The following C1QL4 variants were observed in gnomAD, a reference collection of about 807,000 sequenced individuals.
C1QL4 encodes complement C1q-like protein 4.
C1QL4 carries 5 observed loss-of-function variants against 13.4 expected under a neutral mutation model. The observed-to-expected ratio is 0.37, with a 90% CI of 0.19 to 0.78. The LOEUF (loss-of-function observed/expected upper bound fraction) is 0.78, where lower values mean the gene tolerates loss of function less well. Among genes scored for constraint, C1QL4 ranks in the 30% least tolerant of loss-of-function variants. The probability of loss-of-function intolerance (pLI) is 0.47; values close to 1 mark genes in which losing one functional copy is unlikely to be tolerated. For missense variants in C1QL4, 367 were observed against 361.6 expected, an observed-to-expected ratio of 1.01 and a Z score of -0.12; for synonymous variants, 168 against 153.9, an observed-to-expected ratio of 1.09 and a Z score of -0.68.
In C1QL4 at chr12:49,336,396, A is replaced by G. The variant is rs1358513111; in HGVS notation, c.82T>C (p.Cys28Arg). 4 of 1,507,596 alleles carry G rather than the reference A, an allele frequency of 2.7e-6. No individual in the cohort carries two copies. The highest frequency in any genetic ancestry group is 4.6e-5 in the Admixed American group (2 of 43,480). The allele number at this position is 1,507,596 out of a possible 1,614,324, so 93.4% of individuals were successfully genotyped here. The change falls in exon 1 of 2, where the codon TGC becomes CGC. Residue 28 changes from cysteine (C) to arginine (R), a missense_variant. Physicochemically the swap from Cys to Arg is radical, Grantham distance 180. Transcript: ENST00000334221. This position sits in a 1 kb window ranked among gnomAD's most constrained non-coding sequence, Gnocchi z 7.7. Reference sequence around the variant, plus strand: ...CCATGCGGGTCGCACACCATGCGGCAGCGACCCAGCATCTCGTAGTGCGCT... The same window carrying G: ...CCATGCGGGTCGCACACCATGCGGCGGCGACCCAGCATCTCGTAGTGCGCT... ...GPAHYEMLGR[C>R]RMVCDPHGPR...
chr12:49,335,884 G>A, intron 1 of C1QL4, 57 bp downstream of exon 1: 1 of 1,546,088 alleles, frequency 6.5e-7, no homozygotes, highest in Non-Finnish European at 8.8e-7. Context: ...TGGGATGAGT[G>A]CAGGGAGATC....
chr12:49,336,192 C>T lies in C1QL4; in HGVS notation c.286G>A (p.Gly96Ser), dbSNP rs761160241. The T allele has an allele frequency of 1.3e-6, 2 of 1,581,400 alleles. No individual in the cohort carries two copies. The highest frequency in any genetic ancestry group is 3.5e-5 in the Admixed American group (2 of 56,628). ...GCAGCGGGCGCCACCCCGCCCGGAC[C>T]TGGACCGGGAGGGCCCGGGGGGCCT... ...RPGPPGPPGP[G>S]PGGVAPAAGY... Residue 96 changes from glycine (G) to serine (S), a missense_variant, in exon 1 of 2, where the codon GGT becomes AGT. By Grantham distance (56) the Gly-to-Ser change is moderately conservative. Transcript: ENST00000334221. This position sits in a 1 kb window ranked among gnomAD's most constrained non-coding sequence, Gnocchi z 7.7.
In C1QL4 at chr12:49,336,810, A is replaced by G; in HGVS notation, c.-333T>C. On this transcript the variant is annotated 5_prime_UTR_variant, in exon 1 of 2. Coordinates refer to ENST00000334221, the MANE Select transcript of C1QL4 (RefSeq NM_001008223.2). The surrounding 1 kb of genome is among the most constrained non-coding windows in gnomAD (Gnocchi z 7.7). The stretch of plus-strand genomic sequence containing the variant: ...AGTACCCTCCCGTTCAGTCCTAACG[A>G]TCCTGGGCACCTGAGATCCGCGGCT... 3.5e-6 allele frequency: 1 copy of G among 288,116 alleles called. No homozygotes were observed. Among genetic ancestry groups the G allele is most frequent in the East Asian group, 5.6e-5 (1 of 17,846 alleles). 17.8% of individuals were successfully genotyped at this position (288,116 alleles called of 1,614,324 possible). A position where few individuals can be genotyped will look rare whatever the true frequency, so the allele number is the denominator to read the frequency against.
intron 1 of C1QL4, among the ~76,000 whole-genome samples, chr12:49,334,863 G>A (rs1373674540): frequency 6.6e-6 from 1 of 152,180 alleles, no homozygotes; most frequent in Admixed American, 6.5e-5. Context: ...CGGCTGGGAT[G>A]AGATCCCAAA....
intron 1 of C1QL4, among the ~76,000 whole-genome samples, chr12:49,334,715 C>T (rs1012711927): frequency 6.6e-6 from 1 of 152,132 alleles, no homozygotes; most frequent in Admixed American, 6.6e-5. Context: ...CACACCTACT[C>T]GATGTCATAT....
Position 49,332,747 on chromosome 12 carries a change from A to C in C1QL4, c.*307T>G. ...TTCTGGGCCTCTGAGTCCCGCTATT[A>C]AAACTGCTCCCCATCTCTGTACAAA... On this transcript the variant is annotated 3_prime_UTR_variant, in exon 2 of 2. Coordinates refer to ENST00000334221, the MANE Select transcript of C1QL4 (RefSeq NM_001008223.2). 3.2e-6 allele frequency: 1 copy of C among 308,240 alleles called. No homozygotes were observed. The highest frequency in any genetic ancestry group is 6.0e-6 in the Non-Finnish European group (1 of 166,628). 19.1% of individuals were successfully genotyped at this position (308,240 alleles called of 1,614,324 possible). A position where few individuals can be genotyped will look rare whatever the true frequency, so the allele number is the denominator to read the frequency against.
At position 49,333,254 on chromosome 12, in the gene C1QL4, G is replaced by A. The variant is rs1214575202; in HGVS notation, c.538-21C>T. On this transcript the variant is annotated intron_variant, in intron 1 of 1. Coordinates refer to ENST00000334221, the MANE Select transcript of C1QL4 (RefSeq NM_001008223.2). ...CGGACCTATCGAGGGAGAAGAACCT[G>A]CTCATGCTCTGTGTGGAGCTGGGGT... 3.1e-6 allele frequency: 5 copies of A among 1,609,730 alleles called. No homozygotes were observed. The Middle Eastern group carries it at 5.3e-4, about 171-fold the overall frequency.
rs1481563786 is a variant in C1QL4, at chr12:49,333,005, G to A, written c.*49C>T. The A allele has an allele frequency of 6.5e-7, 1 of 1,534,312 alleles. No individual in the cohort carries two copies. The highest frequency in any genetic ancestry group is 8.8e-7 in the Non-Finnish European group (1 of 1,133,984). ...CCTCGGGTGGGGCGGGCAGGAGGTGGGTGAGGACGGGAGAGAAGGGGCGAG... is the reference window on the plus strand; with the variant it reads ...CCTCGGGTGGGGCGGGCAGGAGGTGAGTGAGGACGGGAGAGAAGGGGCGAG... On this transcript the variant is annotated 3_prime_UTR_variant, in exon 2 of 2. Transcript: ENST00000334221.
In C1QL4 at chr12:49,332,851, T is replaced by TCC. The variant is rs1943601084; in HGVS notation, c.*201_*202dup. The TCC allele has an allele frequency of 8.2e-6, 5 of 606,334 alleles. No individual in the cohort carries two copies. Among genetic ancestry groups the TCC allele is most frequent in the Non-Finnish European group, 1.4e-5 (5 of 350,622 alleles). The allele number at this position is 606,334 out of a possible 1,614,324, so 37.6% of individuals were successfully genotyped here. Reference sequence around the variant, plus strand: ...GTGATCCCTCCGGAAGTCGCTCTGCTCCTCTGGCCGGGTCTCCTCCTCTTC... The same window carrying TCC: ...GTGATCCCTCCGGAAGTCGCTCTGCTCCCCTCTGGCCGGGTCTCCTCCTCTTC... On this transcript the variant is annotated 3_prime_UTR_variant, in exon 2 of 2. Transcript: ENST00000334221.
In C1QL4 at chr12:49,336,588, C is replaced by T. The variant is rs1287455381; in HGVS notation, c.-111G>A. 1.6e-6 allele frequency: 2 copies of T among 1,263,114 alleles called. No individual in the cohort carries two copies. The highest frequency in any genetic ancestry group is 1.0e-6 in the Non-Finnish European group (1 of 976,510). 78.2% of individuals were successfully genotyped at this position (1,263,114 alleles called of 1,614,324 possible). A position where few individuals can be genotyped will look rare whatever the true frequency, so the allele number is the denominator to read the frequency against. ...GGCGCAATGGCTGCCGGGGCCGGGG[C>T]TCTCCGCGGGCCAGGAGGCGGTGAC... On this transcript the variant is annotated 5_prime_UTR_variant, in exon 1 of 2. Transcript: ENST00000334221. The surrounding 1 kb of genome is among the most constrained non-coding windows in gnomAD (Gnocchi z 7.7).
At chr12:49,334,282 G>A (rs1565674707) in intron 1 of C1QL4, among the ~76,000 whole-genome samples, 2 of 152,252 alleles carry the variant, frequency 1.3e-5, no homozygotes, top group Non-Finnish European at 2.9e-5. Context: ...CCTCATGGAG[G>A]GTTGGCTTCC....
chr12:49,333,134 T>G lies in C1QL4; in HGVS notation c.637A>C (p.Lys213Gln), dbSNP rs866989200. 6.2e-7 allele frequency: 1 copy of G among 1,614,002 alleles called. No homozygotes were observed. The highest frequency in any genetic ancestry group is 8.5e-7 in the Non-Finnish European group (1 of 1,180,002). The change falls in exon 2 of 2, where the codon AAG (lysine) becomes CAG (glutamine). Residue 213 changes from lysine (K) to glutamine (Q), a missense_variant. Lys to Gln is a moderately conservative substitution (Grantham distance 53). Coordinates refer to ENST00000334221, the MANE Select transcript of C1QL4 (RefSeq NM_001008223.2). ...HLDVGDEVFIKLDGGKVHGGN... is the reference protein window; with the variant it reads ...HLDVGDEVFIQLDGGKVHGGN... ...CCGTGCACTTTCCCGCCGTCCAGCT[T>G]GATGAAGACCTCGTCGCCCACGTCC...
rs1565675943 is a variant in C1QL4 at position 49,337,173 on chromosome 12, C to T, written c.-696G>A. 6.6e-6 allele frequency: 1 copy of T among 152,202 alleles called. No individual in the cohort carries two copies. The highest frequency in any genetic ancestry group is 6.5e-5 in the Admixed American group (1 of 15,288). 9.4% of individuals were successfully genotyped at this position (152,202 alleles called of 1,614,324 possible). ...TCCCTAACCTTCCTCCCCTCCCTCCCGGGCGCGGGTGGTATGAGGCGCCGC... is the reference window on the plus strand; with the variant it reads ...TCCCTAACCTTCCTCCCCTCCCTCCTGGGCGCGGGTGGTATGAGGCGCCGC... On this transcript the variant is annotated 5_prime_UTR_variant, in exon 1 of 2. Transcript: ENST00000334221.
At chr12:49,334,764 A>G (rs1943618841) in intron 1 of C1QL4, among the ~76,000 whole-genome samples, 1 of 151,924 alleles carries the variant, frequency 6.6e-6, no homozygotes, top group South Asian at 2.1e-4. Flanking sequence ...CGCACTCCGC[A>G]CTCACACACA....
Position 49,333,229 on chromosome 12 carries a change from C to A in C1QL4, c.542G>T (p.Arg181Leu), listed in dbSNP as rs1283785904. Residue 181 changes from arginine (R) to leucine (L), a missense_variant, in exon 2 of 2, where the codon CGG (arginine) becomes CTG (leucine). Coordinates refer to ENST00000334221, the MANE Select transcript of C1QL4 (RefSeq NM_001008223.2). ...CGCGTCCTGAGCAATGGCGCTGGCCCGGACCTATCGAGGGAGAAGAACCTG... is the reference window on the plus strand; with the variant it reads ...CGCGTCCTGAGCAATGGCGCTGGCCAGGACCTATCGAGGGAGAAGAACCTG... ...WADLMKNGQVRASAIAQDADQ... is the reference protein window; with the variant it reads ...WADLMKNGQVLASAIAQDADQ... The A allele has an allele frequency of 6.2e-7, 1 of 1,613,418 alleles. No homozygotes were observed. Among genetic ancestry groups the A allele is most frequent in the Non-Finnish European group, 8.5e-7 (1 of 1,179,662 alleles).
In C1QL4 at chr12:49,336,379, G is replaced by A. The variant is rs762412633; in HGVS notation, c.99C>T (p.Asp33=). Residue 33 remains aspartate (D), a synonymous_variant, in exon 1 of 2, where the codon GAC becomes GAT. Coordinates refer to ENST00000334221, the MANE Select transcript of C1QL4 (RefSeq NM_001008223.2). This position sits in a 1 kb window ranked among gnomAD's most constrained non-coding sequence, Gnocchi z 7.7. ...GACCAGGGCCACGGGGCCCATGCGG[G>A]TCGCACACCATGCGGCAGCGACCCA... is the stretch of plus-strand genomic sequence containing the variant. The part of the protein sequence containing the change: ...EMLGRCRMVC[D]PHGPRGPGPD... 9 of 1,480,054 alleles carry A rather than the reference G, an allele frequency of 6.1e-6. No homozygotes were observed. In the Admixed American group the frequency reaches 2.0e-4, roughly 33 times the overall value. The allele number at this position is 1,480,054 out of a possible 1,614,324, so 91.7% of individuals were successfully genotyped here.
In C1QL4 at chr12:49,336,565, C is replaced by A; in HGVS notation, c.-88G>T. 1 of 1,346,518 alleles carries A rather than the reference C, an allele frequency of 7.4e-7. No homozygotes were observed. The highest frequency in any genetic ancestry group is 9.6e-7 in the Non-Finnish European group (1 of 1,046,930). 83.4% of individuals were successfully genotyped at this position (1,346,518 alleles called of 1,614,324 possible). Reference sequence around the variant, plus strand: ...CCAGCAAATCTTCCTCACTCTTGGGCGCAATGGCTGCCGGGGCCGGGGCTC... The same window carrying A: ...CCAGCAAATCTTCCTCACTCTTGGGAGCAATGGCTGCCGGGGCCGGGGCTC... On this transcript the variant is annotated 5_prime_UTR_variant, in exon 1 of 2. Coordinates refer to ENST00000334221, the MANE Select transcript of C1QL4 (RefSeq NM_001008223.2). This position sits in a 1 kb window ranked among gnomAD's most constrained non-coding sequence, Gnocchi z 7.7.
At position 49,337,060 on chromosome 12, in the gene C1QL4, G is replaced by T. The variant is rs971039251; in HGVS notation, c.-583C>A. On this transcript the variant is annotated 5_prime_UTR_variant, in exon 1 of 2. Transcript: ENST00000334221. ...TGCGCTCTGCCTCTTGGCAAGCACC[G>T]ACTCACCTTGCTACCCCTGCCGCGG... 3 of 152,384 alleles carry T rather than the reference G, an allele frequency of 2.0e-5. No individual in the cohort carries two copies. Among genetic ancestry groups the T allele is most frequent in the Admixed American group, 1.3e-4 (2 of 15,290 alleles). The allele number at this position is 152,384 out of a possible 1,614,324, so 9.4% of individuals were successfully genotyped here.
Position 49,336,147 on chromosome 12 carries a change from C to T in C1QL4, c.331G>A (p.Ala111Thr), listed in dbSNP as rs767925227. Residue 111 changes from alanine to threonine, a missense_variant, in exon 1 of 2, where the codon GCT becomes ACT. Physicochemically the swap from Ala to Thr is moderately conservative, Grantham distance 58. Coordinates refer to ENST00000334221, the MANE Select transcript of C1QL4 (RefSeq NM_001008223.2). This position sits in a 1 kb window ranked among gnomAD's most constrained non-coding sequence, Gnocchi z 7.7. ...GGCCGCCGCAGGCCCGCGTAGAAAG[C>T]AATGCGAGGCACGTAGCCGGCAGCG... is the stretch of plus-strand genomic sequence containing the variant. ...APAAGYVPRI[A>T]FYAGLRRPHE... is the part of the protein sequence containing the mutation. 1 of 1,607,448 alleles carries T rather than the reference C, an allele frequency of 6.2e-7. No homozygotes were observed. Among genetic ancestry groups the T allele is most frequent in the South Asian group, 1.1e-5 (1 of 90,832 alleles).
Sources: gnomAD v4.1 joint callset for allele counts (sites outside exome capture counted in the v4.1 genomes callset) on GRCh38, gnomAD v4.1.1 for gene constraint, Gnocchi (gnomAD v3.1) non-coding constraint, MANE v1.5 for transcripts, NCBI Gene and HGNC (gene_info 2026-07-23, HGNC 2026-07-21) for gene names.